Variants in FGF2 observed in about 807,000 individuals in gnomAD.
FGF2 encodes fibroblast growth factor 2.
FGF2 carries 13 observed loss-of-function variants against 15.9 expected under a neutral mutation model. That is an observed-to-expected ratio of 0.82 (90% CI 0.53 to 1.30). The LOEUF is 1.30. Ranked by LOEUF, FGF2 falls within the 50% of genes most tolerant of loss-of-function variation. The pLI is 0.00. For synonymous variants in FGF2, 90 were observed against 78.4 expected, an observed-to-expected ratio of 1.15 and a Z score of -0.78; for missense variants, 163 against 196.9, an observed-to-expected ratio of 0.83 and a Z score of 1.03.
chr4:122,874,100 C>T (rs896455418), intron 1 of FGF2, among the ~76,000 whole-genome samples: 18 of 152,094 alleles, frequency 1.2e-4, no homozygotes, highest in African/African-American at 4.1e-4. Flanking sequence ...GAAAGTATAG[C>T]GATTGATTAT....
intron 1 of FGF2, among the ~76,000 whole-genome samples, chr4:122,864,813 C>T (rs1726538426): frequency 6.6e-6 from 1 of 152,150 alleles, no homozygotes; most frequent in South Asian, 2.1e-4. Context: ...TGAACTCACT[C>T]ATGAATGTGC....
At chr4:122,890,308 T>C (rs1727141053) in intron 2 of FGF2, among the ~76,000 whole-genome samples, 1 of 152,234 alleles carries the variant, frequency 6.6e-6, no homozygotes, top group African/African-American at 2.4e-5. Context: ...AAGACAGTCC[T>C]GTGTTTCATA....
Position 122,876,189 on chromosome 4 carries a change from C to G in FGF2, c.179-132C>G. Reference sequence around the variant, plus strand: ...TCTGCTCCCTGTCACTCACCCATACCCCCAACCTCACCAATCCTCCAAAGT... The same window carrying G: ...TCTGCTCCCTGTCACTCACCCATACGCCCAACCTCACCAATCCTCCAAAGT... On this transcript the variant is annotated intron_variant, in intron 1 of 2. Transcript: ENST00000644866. 11 of 708,824 alleles carry G rather than the reference C, an allele frequency of 1.6e-5. No homozygotes were observed. In the South Asian group the frequency reaches 1.6e-4, roughly 11 times the overall value. The allele number at this position is 708,824 out of a possible 1,614,324, so 43.9% of individuals were successfully genotyped here. A position where few individuals can be genotyped will look rare whatever the true frequency, so the allele number is the denominator to read the frequency against.
At chr4:122,847,631 ATCTATCTATCTG>A (rs1298240580) in intron 1 of FGF2, among the ~76,000 whole-genome samples, 124 of 133,800 alleles carry the variant, frequency 9.3e-4, no homozygotes, top group African/African-American at 4.1e-3. Context: ...CTATCTATCT[ATCTATCTATCTG>A]TCTATCTAAT....
chr4:122,886,169 C>T (rs571803833), intron 2 of FGF2, among the ~76,000 whole-genome samples: 4 of 152,176 alleles, frequency 2.6e-5, no homozygotes, highest in African/African-American at 9.6e-5. Flanking sequence ...ATCCTCCTGC[C>T]TTGGCCTCCC....
chr4:122,861,264 ATTCCT>A (rs959750002), intron 1 of FGF2, among the ~76,000 whole-genome samples: 1 of 152,136 alleles, frequency 6.6e-6, no homozygotes, highest in Non-Finnish European at 1.5e-5. Flanking sequence ...TTTCTAATAG[ATTCCT>A]TTTTTGAACT....
upstream of FGF2, chr4:122,826,802 A>G (rs1157474161): frequency 1.4e-6 from 2 of 1,438,242 alleles, no homozygotes; most frequent in East Asian, 5.8e-5. Context: ...GTGGAGATGT[A>G]GAAGATGTGA....
intron 1 of FGF2, among the ~76,000 whole-genome samples, chr4:122,834,566 C>T (rs1725826592): frequency 6.6e-6 from 1 of 152,168 alleles, no homozygotes; most frequent in Admixed American, 6.5e-5. Flanking sequence ...CCTCTGACTT[C>T]TTGATAATTC....
chr4:122,840,763 AAG>A (rs752236586), intron 1 of FGF2: 6 of 152,294 alleles, frequency 3.9e-5, no homozygotes, highest in Non-Finnish European at 4.4e-5. Flanking sequence ...TATTTAAAAA[AAG>A]AGAAAAACAT....
Position 122,892,822 on chromosome 4 carries a change from G to GTGAATT in FGF2, c.*428_*433dup. The stretch of plus-strand genomic sequence containing the variant: ...TCTACATGTTTCTAAACATATAAAT[G>GTGAATT]TGAATTTAATCAATTCCTTTCATAG... On this transcript the variant is annotated 3_prime_UTR_variant, in exon 3 of 3. Transcript: ENST00000644866. 1 of 1,581,956 alleles carries GTGAATT rather than the reference G, an allele frequency of 6.3e-7. No homozygotes were observed. Among genetic ancestry groups the GTGAATT allele is most frequent in the Non-Finnish European group, 8.6e-7 (1 of 1,159,510 alleles).
chr4:122,833,469 C>A (rs1475224471), intron 1 of FGF2, among the ~76,000 whole-genome samples: 1 of 151,872 alleles, frequency 6.6e-6, no homozygotes, highest in Non-Finnish European at 1.5e-5. Context: ...TCAAATTAGC[C>A]AAGAAAAAAG....
In FGF2 at chr4:122,897,402, G is replaced by C. The variant is rs1319493632; in HGVS notation, c.*5006G>C. 5.6e-6 allele frequency: 3 copies of C among 538,192 alleles called. No homozygotes were observed. The Admixed American group carries it at 1.0e-4, about 18-fold the overall frequency. 33.3% of individuals were successfully genotyped at this position (538,192 alleles called of 1,614,324 possible). ...GAAGCAGTCATAAACAGAAGAATAG[G>C]TGGTATGTTCCTAATGATATTATTT... On this transcript the variant is annotated 3_prime_UTR_variant, in exon 3 of 3. Transcript: ENST00000644866.
intron 1 of FGF2, among the ~76,000 whole-genome samples, chr4:122,843,188 A>G (rs575502648): frequency 6.6e-6 from 1 of 152,312 alleles, no homozygotes; most frequent in East Asian, 1.9e-4. Flanking sequence ...TCTAATGGGG[A>G]AGTCATAAAA....
intron 1 of FGF2, among the ~76,000 whole-genome samples, chr4:122,845,079 G>A (rs1654261078): frequency 6.6e-6 from 1 of 152,204 alleles, no homozygotes; most frequent in Non-Finnish European, 1.5e-5. Flanking sequence ...CAAAATGGAT[G>A]TTGTGTTAGC....
intron 1 of FGF2, among the ~76,000 whole-genome samples, chr4:122,871,893 A>G (rs560391967): frequency 1.4e-5 from 2 of 141,468 alleles, no homozygotes; most frequent in South Asian, 2.4e-4. Flanking sequence ...CTGAAAATAG[A>G]CAAACTCACA....
chr4:122,850,603 G>C (rs759330589), intron 1 of FGF2, among the ~76,000 whole-genome samples: 1 of 152,094 alleles, frequency 6.6e-6, no homozygotes, highest in Admixed American at 6.6e-5. Flanking sequence ...GTAGAAGAGG[G>C]AAAGGAAGAA....
At chr4:122,839,251 G>A (rs1456008191) in intron 1 of FGF2, among the ~76,000 whole-genome samples, 1 of 152,154 alleles carries the variant, frequency 6.6e-6, no homozygotes, top group African/African-American at 2.4e-5. Context: ...TGACATTATA[G>A]TCTTATGGGA....
Position 122,841,680 on chromosome 4 carries a change from A to G in FGF2, c.178+14328A>G, listed in dbSNP as rs548593028. ...GATCCTATTTTCCAATTACTAGTAA[A>G]ACGTCATGCTTCAGATGATTATGCT... On this transcript the variant is annotated intron_variant, in intron 1 of 2. Coordinates refer to ENST00000644866, the MANE Select transcript of FGF2 (RefSeq NM_001361665.2). Among the ~76,000 whole-genome samples the G allele has an allele frequency of 1.5e-3, 222 of 152,324 alleles. 1 individual carries two copies. The highest frequency in any genetic ancestry group is 5.2e-3 in the African/African-American group (216 of 41,570).
At chr4:122,838,893 G>A (rs139601554) in intron 1 of FGF2, among the ~76,000 whole-genome samples, 172 of 152,198 alleles carry the variant, frequency 1.1e-3, no homozygotes, top group African/African-American at 4.0e-3. Flanking sequence ...ATGATGTTTC[G>A]GTTAATTGCA....
Sources: allele counts gnomAD v4.1 joint callset (sites outside exome capture counted in the v4.1 genomes callset), GRCh38; gene constraint gnomAD v4.1.1; transcripts MANE v1.5; gene names NCBI Gene and HGNC (gene_info 2026-07-23, HGNC 2026-07-21).